Variants in HECW1 observed in about 807,000 individuals in gnomAD.
HECW1 encodes the protein HECT, C2 and WW domain containing E3 ubiquitin protein ligase 1, also known as E3 ubiquitin-protein ligase HECW1.
Under a neutral mutation model 182.3 loss-of-function variants are expected in HECW1, and 61 were observed. That is an observed-to-expected ratio of 0.33 (90% CI 0.27 to 0.41). The LOEUF is 0.41. Among genes scored for constraint, HECW1 ranks in the 10% least tolerant of loss-of-function variants. The pLI, the probability that HECW1 is intolerant of heterozygous loss-of-function variation, is 1.00. For synonymous variants in HECW1, 859 were observed against 832.6 expected (o/e 1.03, Z -0.55); for missense variants, 1,739 against 2,108.9 (o/e 0.82, Z 3.44).
At chr7:43,368,790 A>G (rs1816953485) in intron 6 of HECW1, among the ~76,000 whole-genome samples, 2 of 152,156 alleles carry the variant, frequency 1.3e-5, no homozygotes, top group African/African-American at 4.8e-5. Flanking sequence ...GCCATAGTGT[A>G]GGGGTGGGTG....
intron 2 of HECW1, among the ~76,000 whole-genome samples, chr7:43,221,941 G>C (rs192902975): frequency 2.0e-5 from 3 of 152,090 alleles, no homozygotes; most frequent in African/African-American, 4.8e-5. Flanking sequence ...GCAGATCCTC[G>C]TTACTCAAAA....
intron 29 of HECW1, among the ~76,000 whole-genome samples, chr7:43,559,279 T>G (rs1412082823): frequency 6.6e-6 from 1 of 152,118 alleles, no homozygotes; most frequent in Non-Finnish European, 1.5e-5. Flanking sequence ...ACCAATGGCA[T>G]GGAATTCGAC....
chr7:43,340,693 C>T (rs1812859625), intron 5 of HECW1, among the ~76,000 whole-genome samples: 1 of 151,730 alleles, frequency 6.6e-6, no homozygotes. Flanking sequence ...ATTAAAGCTA[C>T]AGTGTCGTCT....
At position 43,492,182 on chromosome 7, in the gene HECW1, T is replaced by C; in HGVS notation, c.3340+2T>C. 1 of 1,587,752 alleles carries C rather than the reference T, an allele frequency of 6.3e-7. No homozygotes were observed. Among genetic ancestry groups the C allele is most frequent in the Non-Finnish European group, 8.6e-7 (1 of 1,166,418 alleles). On this transcript the variant is annotated splice_donor_variant, in intron 18 of 29. Transcript: ENST00000395891. LOFTEE classifies it high-confidence loss of function. The stretch of plus-strand genomic sequence containing the variant: ...ATCAACATGAGTCATTGCCACTGGG[T>C]ATGTATCATGCTTGTTTGAGCCCCT...
intron 2 of HECW1, among the ~76,000 whole-genome samples, chr7:43,229,636 A>AG (rs889446247): frequency 5.3e-5 from 8 of 151,832 alleles, no homozygotes; most frequent in African/African-American, 1.7e-4. Flanking sequence ...ATAAAAGTTA[A>AG]AAAAAAAATT....
rs1271059066 is a variant in HECW1, at chr7:43,565,536, C to T, written c.*3610C>T. Reference sequence around the variant, plus strand: ...CACTTTCAAATGAAAGTAGTTAGAACTTTACATAACAAATGTGGTGCTTTA... The same window carrying T: ...CACTTTCAAATGAAAGTAGTTAGAATTTTACATAACAAATGTGGTGCTTTA... On this transcript the variant is annotated 3_prime_UTR_variant, in exon 30 of 30. Transcript: ENST00000395891. 1 of 178,594 alleles carries T rather than the reference C, an allele frequency of 5.6e-6. No individual in the cohort carries two copies. Among genetic ancestry groups the T allele is most frequent in the Non-Finnish European group, 1.2e-5 (1 of 83,880 alleles). The allele number at this position is 178,594 out of a possible 1,614,324, so 11.1% of individuals were successfully genotyped here.
In HECW1 at chr7:43,113,425, G is replaced by A. The variant is rs573401392; in HGVS notation, c.-267+488G>A. On this transcript the variant is annotated intron_variant, in intron 1 of 29. Transcript: ENST00000395891. ...AATGCCCGTGGTTAGCCCAGAGAGCGCCCAGAGCCTCCGCACGGGCTCGCC... is the reference window on the plus strand; with the variant it reads ...AATGCCCGTGGTTAGCCCAGAGAGCACCCAGAGCCTCCGCACGGGCTCGCC... Among the ~76,000 whole-genome samples, 133 of 152,286 alleles carry A rather than the reference G, an allele frequency of 8.7e-4. 1 individual carries two copies. The highest frequency in any genetic ancestry group is 3.0e-3 in the African/African-American group (123 of 41,586).
intron 26 of HECW1, among the ~76,000 whole-genome samples, chr7:43,545,550 A>G (rs1316045565): frequency 2.0e-5 from 3 of 152,216 alleles, no homozygotes; most frequent in African/African-American, 7.2e-5. Flanking sequence ...GATTTTCCAA[A>G]AACTTAACTA....
intron 2 of HECW1, among the ~76,000 whole-genome samples, chr7:43,123,088 G>C (rs773475980): frequency 7.9e-5 from 12 of 152,148 alleles, no homozygotes; most frequent in Non-Finnish European, 1.5e-4. Context: ...AAGGCAAAAT[G>C]AAAAAGTTGT....
rs79842123 is a variant in HECW1, at chr7:43,561,038, C to G, written c.4710-777C>G. On this transcript the variant is annotated intron_variant, in intron 29 of 29. Transcript: ENST00000395891. ...GCAGGGAGCAGCTAGTCAGGTGATT[C>G]AAGGCTCCACAGCAGGGAATCTATG... is the stretch of plus-strand genomic sequence containing the variant. 7.0e-3 allele frequency among the ~76,000 whole-genome samples: 1,069 copies of G among 152,338 alleles called. 7 individuals carry two copies. Among genetic ancestry groups the G allele is most frequent in the Non-Finnish European group, 0.012 (798 of 68,034 alleles).
chr7:43,212,973 T>C (rs62458220), intron 2 of HECW1, among the ~76,000 whole-genome samples: 4,039 of 152,316 alleles, frequency 0.027, 67 homozygotes, highest in South Asian at 0.039. Context: ...GACAGAAGTA[T>C]ATTTAAAGCA....
rs1002223808 is a variant in HECW1 at position 43,237,837 on chromosome 7, C to G, written c.-31-6038C>G. On this transcript the variant is annotated intron_variant, in intron 2 of 29. Transcript: ENST00000395891. ...AAATGCAATTCACCAGTCTTTCCCC[C>G]CCGCCGCCCCCACTTGGAGCCTGCA... 1.5e-4 allele frequency among the ~76,000 whole-genome samples: 23 copies of G among 151,528 alleles called. 1 individual carries two copies. In the South Asian group the frequency reaches 3.0e-3, roughly 20 times the overall value.
At position 43,137,260 on chromosome 7, in the gene HECW1, G is replaced by T. The variant is rs1787645187; in HGVS notation, c.-32+22869G>T. On this transcript the variant is annotated intron_variant, in intron 2 of 29. Transcript: ENST00000395891. ...GCAGGCATGTCAATCCCAGGGTGAT[G>T]CTTTCAGCAGAGCCTCAGTCATGCT... Among the ~76,000 whole-genome samples, 3 of 152,138 alleles carry T rather than the reference G, an allele frequency of 2.0e-5. No homozygotes were observed. In the South Asian group the frequency reaches 6.2e-4, roughly 32 times the overall value.
At chr7:43,116,179 C>CA (rs142198116) in intron 2 of HECW1, among the ~76,000 whole-genome samples, 2,079 of 151,904 alleles carry the variant, frequency 0.014, 39 homozygotes, top group African/African-American at 0.048. Flanking sequence ...CCTCAGTAAA[C>CA]AAAAAAACAC....
At chr7:43,456,158 GGTGCT>G (rs1193788638) in intron 12 of HECW1, 134 bp from the exon 13 acceptor site, 1 of 695,366 alleles carries the variant, frequency 1.4e-6, no homozygotes, top group Non-Finnish European at 2.3e-6. Flanking sequence ...CGTGGTGGCA[GGTGCT>G]GTGGGCAGGG....
intron 2 of HECW1, among the ~76,000 whole-genome samples, chr7:43,180,628 C>G (rs1216920190): frequency 2.6e-5 from 4 of 152,212 alleles, no homozygotes; most frequent in African/African-American, 9.6e-5. Flanking sequence ...ACCTCCTGAC[C>G]TCGTGATCCA....
Position 43,241,616 on chromosome 7 carries a change from A to ATGTGTGTGTG in HECW1, c.-31-2223_-31-2214dup, listed in dbSNP as rs57645139. 887 of 122,134 alleles carry ATGTGTGTGTG rather than the reference A, an allele frequency of 7.3e-3. 12 individuals carry two copies. Among genetic ancestry groups the ATGTGTGTGTG allele is most frequent in the East Asian group, 0.028 (113 of 4,056 alleles). The allele number at this position is 122,134 out of a possible 1,614,324, so 7.6% of individuals were successfully genotyped here. On this transcript the variant is annotated intron_variant, in intron 2 of 29. Coordinates refer to ENST00000395891, the MANE Select transcript of HECW1 (RefSeq NM_015052.5). Reference sequence around the variant, plus strand: ...CCTCTTCTTTTTACTCTCCTAATGTATGTGTGTGTGTGTGTGTGTGTGTGT... The same window carrying ATGTGTGTGTG: ...CCTCTTCTTTTTACTCTCCTAATGTATGTGTGTGTGTGTGTGTGTGTGTGTGTGTGTGTGT...
intron 5 of HECW1, among the ~76,000 whole-genome samples, chr7:43,356,591 AT>A: frequency 6.6e-6 from 1 of 152,270 alleles, no homozygotes; most frequent in East Asian, 1.9e-4. Flanking sequence ...CAGAATACAC[AT>A]TTTTTCTATC....
At chr7:43,425,304 T>TGAGAGATAGATA (rs1554408924) in intron 8 of HECW1, among the ~76,000 whole-genome samples, 1 of 148,246 alleles carries the variant, frequency 6.7e-6, no homozygotes, top group African/African-American at 2.5e-5. Context: ...GATAGATAGA[T>TGAGAGATAGATA]GATAGATAGA....
Sources: gnomAD v4.1 joint callset for allele counts (sites outside exome capture counted in the v4.1 genomes callset) on GRCh38, gnomAD v4.1.1 for gene constraint, MANE v1.5 for transcripts, NCBI Gene and HGNC (gene_info 2026-07-23, HGNC 2026-07-21) for gene names.